The following QTMAN variants were observed in gnomAD, a reference collection of about 807,000 sequenced individuals.
The protein encoded by QTMAN is tRNA-queuosine alpha-mannosyltransferase.
At chr2:144,332,580 C>A in the QTMAN span, 2 of 149,380 alleles carry the variant, frequency 1.3e-5, no homozygotes, top group African/African-American at 4.9e-5. Context: ...GGCCTCCGGG[C>A]GCGTCAGGCG....
At chr2:144,177,240 T>C in the QTMAN span, 3 of 654,652 alleles carry the variant, frequency 4.6e-6, no homozygotes, top group South Asian at 1.7e-5. Context: ...ATCCTCTTTA[T>C]CTTGATCCCA....
chr2:144,295,009 A>G, the QTMAN span, among the ~76,000 whole-genome samples: 1 of 152,378 alleles, frequency 6.6e-6, no homozygotes, highest in African/African-American at 2.4e-5. Context: ...TTGTCTTAAA[A>G]TAGATATATA....
At chr2:144,104,980 G>T in the QTMAN span, among the ~76,000 whole-genome samples, 1 of 152,220 alleles carries the variant, frequency 6.6e-6, no homozygotes, top group Non-Finnish European at 1.5e-5. Flanking sequence ...CTCCACTGCT[G>T]ATACCAAGGC....
chr2:143,943,089 C>T, the QTMAN span: 1 of 152,166 alleles, frequency 6.6e-6, no homozygotes, highest in South Asian at 2.1e-4. Flanking sequence ...TCTACCATGG[C>T]CCCTCTGACA....
the QTMAN span, among the ~76,000 whole-genome samples, chr2:144,182,860 T>A: frequency 2.4e-4 from 17 of 70,240 alleles, 1 homozygote; most frequent in Admixed American, 8.5e-4. Context: ...ATTTTATATA[T>A]AATATATATA....
the QTMAN span, among the ~76,000 whole-genome samples, chr2:144,316,891 A>G: frequency 6.6e-6 from 1 of 152,200 alleles, no homozygotes; most frequent in South Asian, 2.1e-4. Context: ...CTCTATTTCA[A>G]TTCTTACTCT....
At chr2:144,033,851 C>T in the QTMAN span, among the ~76,000 whole-genome samples, 1 of 152,182 alleles carries the variant, frequency 6.6e-6, no homozygotes, top group Non-Finnish European at 1.5e-5. Context: ...ACTCAGGAAA[C>T]TCCATGCATT....
chr2:144,069,584 T>C, the QTMAN span, among the ~76,000 whole-genome samples: 2 of 152,076 alleles, frequency 1.3e-5, no homozygotes, highest in Non-Finnish European at 2.9e-5. Flanking sequence ...ACAGGTTTGA[T>C]CATACTGTTT....
the QTMAN span, among the ~76,000 whole-genome samples, chr2:144,070,623 A>G: frequency 6.6e-6 from 1 of 152,220 alleles, no homozygotes; most frequent in African/African-American, 2.4e-5. Flanking sequence ...CAGCACAGTG[A>G]GCTGTGTTAA....
chr2:144,022,268 T>A, the QTMAN span, among the ~76,000 whole-genome samples: 1 of 151,902 alleles, frequency 6.6e-6, no homozygotes, highest in Non-Finnish European at 1.5e-5. Context: ...GATCTTAATA[T>A]CTCTTTCCTA....
the QTMAN span, among the ~76,000 whole-genome samples, chr2:144,124,093 A>G: frequency 6.6e-6 from 1 of 152,150 alleles, no homozygotes; most frequent in African/African-American, 2.4e-5. Flanking sequence ...ACAGAAGAAC[A>G]TACAAATTAT....
the QTMAN span, among the ~76,000 whole-genome samples, chr2:144,066,941 T>C: frequency 6.6e-6 from 1 of 152,234 alleles, no homozygotes; most frequent in Non-Finnish European, 1.5e-5. Context: ...GCCAAAACTT[T>C]GGCTCTCGTC....
chr2:144,015,092 T>C, the QTMAN span, among the ~76,000 whole-genome samples: 1 of 152,160 alleles, frequency 6.6e-6, no homozygotes, highest in Non-Finnish European at 1.5e-5. Flanking sequence ...GATATATTCC[T>C]CCCACGCAGA....
the QTMAN span, among the ~76,000 whole-genome samples, chr2:144,052,983 A>G: frequency 6.6e-6 from 1 of 152,196 alleles, no homozygotes; most frequent in Non-Finnish European, 1.5e-5. Context: ...ATGGATACAC[A>G]GGAGGTGATC....
the QTMAN span, among the ~76,000 whole-genome samples, chr2:144,100,890 G>A: frequency 1.5e-5 from 1 of 66,248 alleles, no homozygotes; most frequent in African/African-American, 5.7e-5. Context: ...TTTTTTTTGA[G>A]ATGGAGTCCT....
chr2:144,119,946 G>A, the QTMAN span, among the ~76,000 whole-genome samples: 3 of 152,132 alleles, frequency 2.0e-5, no homozygotes, highest in East Asian at 3.9e-4. Flanking sequence ...TTCATAAACT[G>A]AAGTGGTATT....
At chr2:144,318,508 A>G in the QTMAN span, among the ~76,000 whole-genome samples, 1 of 152,234 alleles carries the variant, frequency 6.6e-6, no homozygotes, top group Non-Finnish European at 1.5e-5. Context: ...CCATGAAATG[A>G]AATCAATTCC....
chr2:144,281,024 C>T, the QTMAN span, among the ~76,000 whole-genome samples: 9 of 151,470 alleles, frequency 5.9e-5, no homozygotes, highest in South Asian at 4.2e-4. Context: ...CGTCATTTAG[C>T]ATTAGGTATA....
the QTMAN span, among the ~76,000 whole-genome samples, chr2:144,052,080 G>GT: frequency 6.6e-6 from 1 of 152,106 alleles, no homozygotes; most frequent in African/African-American, 2.4e-5. Context: ...GTTCACTGCT[G>GT]TAACTCCAGA....
Sources: gnomAD v4.1 joint callset for allele counts (sites outside exome capture counted in the v4.1 genomes callset) on GRCh38, gnomAD v4.1.1 for gene constraint, MANE v1.5 for transcripts, NCBI Gene and HGNC (gene_info 2026-07-23, HGNC 2026-07-21) for gene names.